The following LHFPL3 variants were observed in gnomAD, a reference collection of about 807,000 sequenced individuals.
LHFPL3 encodes the protein LHFPL tetraspan subfamily member 3, also known as LHFPL tetraspan subfamily member 3 protein.
A neutral mutation model predicts 19.3 loss-of-function variants in LHFPL3; 5 were observed. The observed-to-expected ratio is 0.26, with a 90% CI of 0.14 to 0.54. The LOEUF is 0.54. LHFPL3 is among the 20% of genes least tolerant of loss of function. The probability of loss-of-function intolerance (pLI) is 0.94; values close to 1 mark genes in which losing one functional copy is unlikely to be tolerated. For synonymous variants in LHFPL3, 133 were observed against 126.2 expected (o/e 1.05, Z -0.36); for missense variants, 249 against 307.4 (o/e 0.81, Z 1.42).
chr7:104,734,862 G>T lies in LHFPL3; in HGVS notation c.446-1813G>T, dbSNP rs185179663. ...ATCTTTGTGGTTTTATCCACCTTTG[G>T]TCTTTGATGATGGTGACGTACAGAT... On this transcript the variant is annotated intron_variant, in intron 1 of 2. Transcript: ENST00000424859. 5.4e-3 allele frequency among the ~76,000 whole-genome samples: 824 copies of T among 152,200 alleles called. 3 individuals are homozygous for T. The highest frequency in any genetic ancestry group is 0.01 in the Admixed American group (155 of 15,286).
At chr7:104,432,087 G>C (rs914338938) in intron 1 of LHFPL3, among the ~76,000 whole-genome samples, 1 of 152,174 alleles carries the variant, frequency 6.6e-6, no homozygotes, top group South Asian at 2.1e-4. Flanking sequence ...GGAGACTAGC[G>C]TGAAGTTTAA....
intron 1 of LHFPL3, among the ~76,000 whole-genome samples, chr7:104,503,056 A>G (rs1207386917): frequency 1.3e-5 from 2 of 152,140 alleles, no homozygotes; most frequent in Non-Finnish European, 2.9e-5. Context: ...AAAATGTAAC[A>G]ACATACGCTT....
At chr7:104,809,609 TGATA>T (rs1424460934) in intron 2 of LHFPL3, among the ~76,000 whole-genome samples, 1 of 152,246 alleles carries the variant, frequency 6.6e-6, no homozygotes, top group African/African-American at 2.4e-5. Flanking sequence ...TTTCAATTAT[TGATA>T]AATAGTATTT....
chr7:104,528,671 G>T (rs1794235524), intron 1 of LHFPL3, among the ~76,000 whole-genome samples: 1 of 152,042 alleles, frequency 6.6e-6, no homozygotes, highest in Non-Finnish European at 1.5e-5. Context: ...CAATAATGTG[G>T]AATTATTTAG....
chr7:104,723,906 T>C (rs187134523), intron 1 of LHFPL3, among the ~76,000 whole-genome samples: 134 of 152,286 alleles, frequency 8.8e-4, no homozygotes, highest in African/African-American at 3.0e-3. Context: ...CTATCCCTCC[T>C]GGTCAGGAAA....
intron 1 of LHFPL3, among the ~76,000 whole-genome samples, chr7:104,654,715 C>G (rs1439266202): frequency 6.6e-6 from 1 of 152,052 alleles, no homozygotes; most frequent in Non-Finnish European, 1.5e-5. Context: ...AACTAGGTGC[C>G]CCATGTTTTG....
intron 1 of LHFPL3, among the ~76,000 whole-genome samples, chr7:104,648,044 T>G (rs1051579972): frequency 1.3e-5 from 2 of 152,216 alleles, no homozygotes; most frequent in Non-Finnish European, 2.9e-5. Context: ...ATGCCCCTAA[T>G]GAGATAACTG....
In LHFPL3 at chr7:104,656,442, C is replaced by A. The variant is rs13222231; in HGVS notation, c.446-80233C>A. Among the ~76,000 whole-genome samples the A allele has an allele frequency of 5.1e-3, 772 of 152,126 alleles. 42 individuals are homozygous for A. In the East Asian group the frequency reaches 0.11, roughly 22 times the overall value. ...GGCTGCTTTCCGGGGTGTGACACTG[C>A]TGACTTCCTGCTCACAGCCCCTGCT... On this transcript the variant is annotated intron_variant, in intron 1 of 2. Coordinates refer to ENST00000424859, the MANE Select transcript of LHFPL3 (RefSeq NM_199000.3).
intron 1 of LHFPL3, among the ~76,000 whole-genome samples, chr7:104,415,782 ATTAT>A: frequency 6.6e-6 from 1 of 152,288 alleles, no homozygotes; most frequent in East Asian, 1.9e-4. Context: ...GCAAAAAAAC[ATTAT>A]TTAAGGACAT....
chr7:104,713,097 A>C lies in LHFPL3; in HGVS notation c.446-23578A>C, dbSNP rs922076886. On this transcript the variant is annotated intron_variant, in intron 1 of 2. Coordinates refer to ENST00000424859, the MANE Select transcript of LHFPL3 (RefSeq NM_199000.3). The stretch of plus-strand genomic sequence containing the variant: ...ATCATGGCTACTCTAGATTGTTCTC[A>C]ATTTCCATTTAGAAACTTTAAGCTC... Among the ~76,000 whole-genome samples, 4 of 152,316 alleles carry C rather than the reference A, an allele frequency of 2.6e-5. No homozygotes were observed. In the East Asian group the frequency reaches 5.8e-4, roughly 22 times the overall value.
chr7:104,523,360 C>T (rs546511892), intron 1 of LHFPL3, among the ~76,000 whole-genome samples: 48 of 152,078 alleles, frequency 3.2e-4, no homozygotes, highest in African/African-American at 1.1e-3. Flanking sequence ...TTTTCAAACC[C>T]CTTTGAGAAT....
chr7:104,848,710 A>C lies in LHFPL3; in HGVS notation c.683-57477A>C, dbSNP rs187381732. 2.5e-3 allele frequency among the ~76,000 whole-genome samples: 377 copies of C among 152,210 alleles called. 3 individuals carry two copies. Among genetic ancestry groups the C allele is most frequent in the Non-Finnish European group, 4.5e-3 (307 of 67,992 alleles). On this transcript the variant is annotated intron_variant, in intron 2 of 2. Transcript: ENST00000424859. ...GGCTGCCCCTGAGCCACAGCAAAGC[A>C]CCCCACTGTCTGTGCAAGCCTCAGC...
chr7:104,822,998 G>A (rs1248102009), intron 2 of LHFPL3, among the ~76,000 whole-genome samples: 1 of 152,104 alleles, frequency 6.6e-6, no homozygotes, highest in African/African-American at 2.4e-5. Context: ...CAGGCCTCCA[G>A]AGCCGTACGC....
intron 2 of LHFPL3, among the ~76,000 whole-genome samples, chr7:104,743,758 G>C (rs923934697): frequency 6.6e-6 from 1 of 152,168 alleles, no homozygotes; most frequent in Non-Finnish European, 1.5e-5. Flanking sequence ...AGGAAGGATT[G>C]GATGCAAGAC....
At chr7:104,878,591 G>T (rs117606704) in intron 2 of LHFPL3, among the ~76,000 whole-genome samples, 1 of 152,028 alleles carries the variant, frequency 6.6e-6, no homozygotes, top group African/African-American at 2.4e-5. Context: ...TATTCCATGA[G>T]ATACAACAAT....
intron 1 of LHFPL3, among the ~76,000 whole-genome samples, chr7:104,731,513 G>A (rs1187477335): frequency 5.9e-5 from 9 of 152,024 alleles, no homozygotes; most frequent in African/African-American, 1.9e-4. Flanking sequence ...CTCATGATTC[G>A]GCTCTATGTT....
chr7:104,379,929 C>T (rs1195589960), intron 1 of LHFPL3, among the ~76,000 whole-genome samples: 1 of 152,168 alleles, frequency 6.6e-6, no homozygotes, highest in Non-Finnish European at 1.5e-5. Flanking sequence ...TATATGAAAA[C>T]TATCTGACTA....
chr7:104,894,389 C>G (rs1209658234), intron 2 of LHFPL3, among the ~76,000 whole-genome samples: 1 of 152,150 alleles, frequency 6.6e-6, no homozygotes, highest in Non-Finnish European at 1.5e-5. Flanking sequence ...TTGCAGGGAA[C>G]AAGGATTACA....
Position 104,596,452 on chromosome 7 carries a change from G to A in LHFPL3, c.446-140223G>A, listed in dbSNP as rs1431139258. Among the ~76,000 whole-genome samples, 5 of 152,182 alleles carry A rather than the reference G, an allele frequency of 3.3e-5. No individual in the cohort carries two copies. In the South Asian group the frequency reaches 1.0e-3, roughly 32 times the overall value. The stretch of plus-strand genomic sequence containing the variant: ...AAATCTCTTAGTATGATTTATTGAT[G>A]GTTACAAGTCTAAGTGGTCACTTTT... On this transcript the variant is annotated intron_variant, in intron 1 of 2. Transcript: ENST00000424859.
Sources: gnomAD v4.1 joint callset for allele counts (sites outside exome capture counted in the v4.1 genomes callset) on GRCh38, gnomAD v4.1.1 for gene constraint, MANE v1.5 for transcripts, NCBI Gene and HGNC (gene_info 2026-07-23, HGNC 2026-07-21) for gene names.